The following SLC44A2 variants were observed in gnomAD, a reference collection of about 807,000 sequenced individuals.
The protein encoded by SLC44A2 is solute carrier family 44 member 2 (CTL2 blood group).
A neutral mutation model predicts 90.8 loss-of-function variants in SLC44A2; 57 were observed. The ratio of observed to expected loss-of-function variants is 0.63; its 90% CI spans 0.51 to 0.78. The LOEUF is 0.78. Among genes scored for constraint, SLC44A2 ranks in the 30% least tolerant of loss-of-function variants. SLC44A2 has a pLI of 0.00. For missense variants in SLC44A2, 794 were observed against 919.7 expected, an observed-to-expected ratio of 0.86 and a Z score of 1.77; for synonymous variants, 355 against 360.7, an observed-to-expected ratio of 0.98 and a Z score of 0.18.
In SLC44A2 at chr19:10,636,439, C is replaced by T; in HGVS notation, c.1350C>T (p.Ala450=). Reference sequence around the variant, plus strand: ...TGCTGGGCCTGCAGATCTTCAATGCCTTCATGTTCTTCTGGTTGGCCAACT... The same window carrying T: ...TGCTGGGCCTGCAGATCTTCAATGCTTTCATGTTCTTCTGGTTGGCCAACT... The part of the protein sequence containing the change: ...RALLGLQIFN[A]FMFFWLANFV... The change falls in exon 15 of 22, where the codon GCC becomes GCT. Residue 450 remains alanine, a synonymous_variant. Transcript: ENST00000335757. The T allele has an allele frequency of 1.9e-6, 3 of 1,614,076 alleles. No homozygotes were observed. The highest frequency in any genetic ancestry group is 2.5e-6 in the Non-Finnish European group (3 of 1,180,040).
chr19:10,638,358 GTGT>G, intron 20 of SLC44A2, 43 bp downstream of exon 20: 1 of 1,575,378 alleles, frequency 6.3e-7, no homozygotes, highest in Non-Finnish European at 8.7e-7. Context: ...GAAGAAAGAG[GTGT>G]TGGGATTTGC....
intron 1 of SLC44A2, among the ~76,000 whole-genome samples, chr19:10,612,384 TA>T (rs1043941578): frequency 6.6e-6 from 1 of 151,784 alleles, no homozygotes; most frequent in Admixed American, 6.6e-5. Flanking sequence ...AAATAAAAAA[TA>T]AAAAAAGGTT....
Position 10,631,543 on chromosome 19 carries a change from A to C in SLC44A2, c.502+8A>C. 6.2e-7 allele frequency: 1 copy of C among 1,613,986 alleles called. No homozygotes were observed. Among genetic ancestry groups the C allele is most frequent in the Non-Finnish European group, 8.5e-7 (1 of 1,180,002 alleles). ...TCATCCCCAGCAAACCCTGTGAGTC[A>C]GGGGATCCCAGGAGGCTCAGGTGGT... On this transcript the variant is annotated splice_region_variant and intron_variant, in intron 7 of 21. Transcript: ENST00000335757.
At chr19:10,607,777 ACT>A (rs1219631722) in intron 1 of SLC44A2, among the ~76,000 whole-genome samples, 1 of 141,684 alleles carries the variant, frequency 7.1e-6, no homozygotes, top group Non-Finnish European at 1.5e-5. Flanking sequence ...ACGGAGTCTC[ACT>A]CTGTCGCTCA....
chr19:10,612,297 A>T (rs139279199), intron 1 of SLC44A2, among the ~76,000 whole-genome samples: 3,661 of 152,142 alleles, frequency 0.024, 149 homozygotes, highest in African/African-American at 0.084. Flanking sequence ...ACTTGAGCCC[A>T]GGAGGTCAAG....
intron 20 of SLC44A2, among the ~76,000 whole-genome samples, chr19:10,640,531 A>AAG (rs2067104504): frequency 6.6e-6 from 1 of 152,062 alleles, no homozygotes; most frequent in Non-Finnish European, 1.5e-5. Flanking sequence ...GACTCAAGGG[A>AAG]TCCTCCTGCC....
chr19:10,608,949 C>G (rs1918199748), intron 1 of SLC44A2, among the ~76,000 whole-genome samples: 1 of 148,490 alleles, frequency 6.7e-6, no homozygotes, highest in African/African-American at 2.5e-5. Context: ...CTGCACCCAG[C>G]CTACCTTTTT....
chr19:10,613,732 G>T (rs866882142), intron 1 of SLC44A2, among the ~76,000 whole-genome samples: 3 of 152,070 alleles, frequency 2.0e-5, no homozygotes, highest in South Asian at 2.1e-4. Flanking sequence ...GACATGGAAC[G>T]ACGGAAGCGA....
At chr19:10,602,704 C>A in intron 1 of SLC44A2, 1 of 715,306 alleles carries the variant, frequency 1.4e-6, no homozygotes, top group Non-Finnish European at 1.9e-6. Context: ...CGACACTGCG[C>A]GGATCCCACG....
upstream of SLC44A2, among the ~76,000 whole-genome samples, chr19:10,623,688 T>C (rs983161665): frequency 2.0e-5 from 3 of 150,434 alleles, no homozygotes; most frequent in Non-Finnish European, 4.4e-5. Context: ...TTTTATTGTA[T>C]TGTATTTTTT....
intron 1 of SLC44A2, among the ~76,000 whole-genome samples, chr19:10,604,774 T>C (rs936601469): frequency 1.3e-5 from 2 of 152,092 alleles, no homozygotes; most frequent in African/African-American, 4.8e-5. Context: ...CCTCTGGGGC[T>C]GGTAGTACTG....
rs773882978 is a variant in SLC44A2, at chr19:10,631,866, A to G, written c.627-2A>G. ...ACCCGAGCCTTGTCCTCCTTCCCCC[A>G]GGAAAGCCAATGGAGTCCTAGAGGC... is the stretch of plus-strand genomic sequence containing the variant. On this transcript the variant is annotated splice_acceptor_variant, in intron 8 of 21. Coordinates refer to ENST00000335757, the MANE Select transcript of SLC44A2 (RefSeq NM_020428.4). LOFTEE classifies it high-confidence loss of function. The G allele has an allele frequency of 1.2e-6, 2 of 1,614,102 alleles. No individual in the cohort carries two copies. Among genetic ancestry groups the G allele is most frequent in the Non-Finnish European group, 1.7e-6 (2 of 1,180,034 alleles).
chr19:10,622,425 A>T (rs2066900481), upstream of SLC44A2, among the ~76,000 whole-genome samples: 1 of 151,982 alleles, frequency 6.6e-6, no homozygotes, highest in South Asian at 2.1e-4. Flanking sequence ...GAGGATAGAA[A>T]GTGTCTGTGT....
At chr19:10,604,282 G>A (rs1350942982) in intron 1 of SLC44A2, among the ~76,000 whole-genome samples, 1 of 152,240 alleles carries the variant, frequency 6.6e-6, no homozygotes, top group Non-Finnish European at 1.5e-5. Flanking sequence ...GGTTGAGCCA[G>A]CCGTGGGAAG....
intron 9 of SLC44A2, 36 bp downstream of exon 9, chr19:10,631,987 C>T: frequency 4.3e-6 from 7 of 1,612,392 alleles, no homozygotes; most frequent in Non-Finnish European, 5.9e-6. Context: ...CCCCTGGCTG[C>T]CCCCTCTAAG....
intron 1 of SLC44A2, among the ~76,000 whole-genome samples, chr19:10,617,182 A>G (rs1159399978): frequency 6.6e-6 from 1 of 151,486 alleles, no homozygotes; most frequent in East Asian, 2.0e-4. Context: ...GGGCTCCCAA[A>G]GTGCTAGGAT....
intron 4 of SLC44A2, among the ~76,000 whole-genome samples, chr19:10,630,689 A>T (rs2066984303): frequency 6.7e-6 from 1 of 150,322 alleles, no homozygotes; most frequent in African/African-American, 2.4e-5. Flanking sequence ...AAATAAAAAA[A>T]GTTTTCTATA....
At position 10,635,014 on chromosome 19, in the gene SLC44A2, G is replaced by C; in HGVS notation, c.996G>C (p.Leu332=). ...TCCTTGAAGTCATTATCATCTTGCT[G>C]CTCATCTTTCTCCGGAAGAGAATTC... is the stretch of plus-strand genomic sequence containing the variant. ...LSILEVIIIL[L]LIFLRKRILI... The change falls in exon 12 of 22, where the codon CTG becomes CTC. Residue 332 remains leucine, a synonymous_variant. Coordinates refer to ENST00000335757, the MANE Select transcript of SLC44A2 (RefSeq NM_020428.4). The C allele has an allele frequency of 6.2e-7, 1 of 1,614,114 alleles. No homozygotes were observed. The highest frequency in any genetic ancestry group is 8.5e-7 in the Non-Finnish European group (1 of 1,180,026).
intron 4 of SLC44A2, among the ~76,000 whole-genome samples, chr19:10,629,261 C>T (rs1350141549): frequency 9.7e-5 from 14 of 144,364 alleles, no homozygotes; most frequent in African/African-American, 2.5e-4. Flanking sequence ...AGTTTTTAAA[C>T]TATTATTATT....
Sources: allele counts gnomAD v4.1 joint callset (sites outside exome capture counted in the v4.1 genomes callset), GRCh38; gene constraint gnomAD v4.1.1; transcripts MANE v1.5; gene names NCBI Gene and HGNC (gene_info 2026-07-23, HGNC 2026-07-21).